The following SSH1 variants were observed in gnomAD, a reference collection of about 807,000 sequenced individuals.
SSH1 encodes slingshot protein phosphatase 1, also known as protein phosphatase Slingshot homolog 1.
In SSH1, 43 loss-of-function variants were observed where a neutral mutation model predicts 79.7. The observed-to-expected ratio is 0.54, with a 90% CI of 0.42 to 0.70. The LOEUF (loss-of-function observed/expected upper bound fraction) is 0.70, where lower values mean the gene tolerates loss of function less well. SSH1 is among the 30% of genes least tolerant of loss of function. The pLI is 0.00. For synonymous variants in SSH1, 599 were observed against 538.3 expected, an observed-to-expected ratio of 1.11 and a Z score of -1.56; for missense variants, 1,206 against 1,358.8, an observed-to-expected ratio of 0.89 and a Z score of 1.77.
intron 13 of SSH1, among the ~76,000 whole-genome samples, chr12:108,796,482 G>A (rs936237058): frequency 2.0e-5 from 3 of 152,116 alleles, no homozygotes; most frequent in African/African-American, 4.8e-5. Context: ...TTCACTTAGC[G>A]CAATGTCATG....
At chr12:108,802,247 C>G in intron 11 of SSH1, 75 bp downstream of exon 11, 1 of 1,409,424 alleles carries the variant, frequency 7.1e-7, no homozygotes, top group Non-Finnish European at 1.0e-6. Flanking sequence ...GCCCCAAGGT[C>G]TCCCCCTCCA....
intron 5 of SSH1, 96 bp downstream of exon 5, chr12:108,816,942 C>T: frequency 1.9e-6 from 3 of 1,573,206 alleles, no homozygotes; most frequent in South Asian, 1.1e-5. Context: ...ACGCAGCCCT[C>T]TCCCACCTCT....
chr12:108,825,853 C>T (rs1224185366), intron 2 of SSH1, among the ~76,000 whole-genome samples: 1 of 152,204 alleles, frequency 6.6e-6, no homozygotes, highest in African/African-American at 2.4e-5. Flanking sequence ...ATCACCTAAC[C>T]CTTTCCACCT....
At chr12:108,806,923 G>C (rs1319525079) in intron 8 of SSH1, among the ~76,000 whole-genome samples, 1 of 152,228 alleles carries the variant, frequency 6.6e-6, no homozygotes, top group Non-Finnish European at 1.5e-5. Flanking sequence ...CTTCCTCCGT[G>C]ATTTCAAGGC....
At chr12:108,818,102 G>A in intron 4 of SSH1, 147 bp downstream of exon 4, 1 of 670,824 alleles carries the variant, frequency 1.5e-6, no homozygotes, top group Non-Finnish European at 2.7e-6. Flanking sequence ...GGAGGCTGAG[G>A]TGGGAAGATT....
rs374562991 is a variant in SSH1, at chr12:108,802,305, A to G, written c.1001+17T>C. On this transcript the variant is annotated intron_variant, in intron 11 of 14. Transcript: ENST00000326495. ...GCTGCCTGGAAGGACAGGGAAAGAC[A>G]AGGGGAGGAGACTCACCCTGAGCCC... 102 of 1,612,700 alleles carry G rather than the reference A, an allele frequency of 6.3e-5. No individual in the cohort carries two copies. In the African/African-American group the frequency reaches 1.3e-3, roughly 20 times the overall value.
At chr12:108,818,208 A>C (rs75291911) in intron 4 of SSH1, 41 bp downstream of exon 4, 1 of 1,530,160 alleles carries the variant, frequency 6.5e-7, no homozygotes, top group Non-Finnish European at 9.0e-7. Flanking sequence ...CACAAAAATT[A>C]AAAAAAAATT....
At chr12:108,843,557 C>T (rs1159262204) in intron 2 of SSH1, among the ~76,000 whole-genome samples, 3 of 152,112 alleles carry the variant, frequency 2.0e-5, no homozygotes, top group Non-Finnish European at 4.4e-5. Context: ...TGGTTTGAGA[C>T]AGAGTCTCAC....
intron 13 of SSH1, among the ~76,000 whole-genome samples, chr12:108,794,263 C>T (rs562814965): frequency 1.3e-5 from 2 of 152,338 alleles, no homozygotes; most frequent in East Asian, 3.9e-4. Flanking sequence ...CGCCCAGGCT[C>T]TGGGCTTCCA....
rs565843824 is a variant in SSH1 at position 108,785,919 on chromosome 12, G to A, written c.*2069C>T. The A allele has an allele frequency of 7.9e-5, 12 of 152,298 alleles. No homozygotes were observed. The highest frequency in any genetic ancestry group is 2.4e-4 in the African/African-American group (10 of 41,550). 9.4% of individuals were successfully genotyped at this position (152,298 alleles called of 1,614,324 possible). ...GGGAAAGGGGGAACAACCCACAGGG[G>A]TTTAGGAATAAGTGGATAATCACCT... is the stretch of plus-strand genomic sequence containing the variant. On this transcript the variant is annotated 3_prime_UTR_variant, in exon 15 of 15. Coordinates refer to ENST00000326495, the MANE Select transcript of SSH1 (RefSeq NM_018984.4).
intron 11 of SSH1, 43 bp from the exon 12 acceptor site, chr12:108,800,969 A>G (rs1193744759): frequency 6.3e-7 from 1 of 1,584,216 alleles, no homozygotes; most frequent in Admixed American, 1.7e-5. Flanking sequence ...GACAATCTGA[A>G]TGAGAAAGAA....
In SSH1 at chr12:108,823,199, T is replaced by C; in HGVS notation, c.214+59A>G. Reference sequence around the variant, plus strand: ...TCAGCAACATCACCAACAATGGAAGTTTCCTCTGCTGTCCAGAAAAGAAGC... The same window carrying C: ...TCAGCAACATCACCAACAATGGAAGCTTCCTCTGCTGTCCAGAAAAGAAGC... On this transcript the variant is annotated intron_variant, in intron 3 of 14. Coordinates refer to ENST00000326495, the MANE Select transcript of SSH1 (RefSeq NM_018984.4). The C allele has an allele frequency of 2.0e-6, 3 of 1,488,750 alleles. No individual in the cohort carries two copies. The East Asian group carries it at 7.4e-5, about 37-fold the overall frequency. 92.2% of individuals were successfully genotyped at this position (1,488,750 alleles called of 1,614,324 possible).
At position 108,818,217 on chromosome 12, in the gene SSH1, T is replaced by A. The variant is rs188173803; in HGVS notation, c.279+32A>T. ...TCATCTCACAAAAATTAAAAAAAAA[T>A]TTTTTAACTTGACATTCTCACTGCT... On this transcript the variant is annotated intron_variant, in intron 4 of 14. Coordinates refer to ENST00000326495, the MANE Select transcript of SSH1 (RefSeq NM_018984.4). 889 of 1,603,986 alleles carry A rather than the reference T, an allele frequency of 5.5e-4. 2 individuals are homozygous for A. The African/African-American group carries it at 7.7e-3, about 14-fold the overall frequency.
At position 108,807,901 on chromosome 12, in the gene SSH1, G is replaced by A; in HGVS notation, c.537-74C>T. ...CAGGGTTTTCTCCTCTGACAAAGGG[G>A]TTCAAATACGGGAAGGGAAGGGCAA... On this transcript the variant is annotated intron_variant, in intron 7 of 14. Coordinates refer to ENST00000326495, the MANE Select transcript of SSH1 (RefSeq NM_018984.4). This position sits in a 1 kb window ranked among gnomAD's most constrained non-coding sequence, Gnocchi z 5.2. 2 of 1,358,738 alleles carry A rather than the reference G, an allele frequency of 1.5e-6. No homozygotes were observed. Among genetic ancestry groups the A allele is most frequent in the Admixed American group, 1.8e-5 (1 of 56,330 alleles). The allele number at this position is 1,358,738 out of a possible 1,614,324, so 84.2% of individuals were successfully genotyped here. A position where few individuals can be genotyped will look rare whatever the true frequency, so the allele number is the denominator to read the frequency against.
At chr12:108,793,252 A>T (rs1357590299) in intron 13 of SSH1, among the ~76,000 whole-genome samples, 2 of 152,194 alleles carry the variant, frequency 1.3e-5, no homozygotes, top group Admixed American at 1.3e-4. Context: ...GTATGTACAG[A>T]TCTATACACG....
Position 108,787,789 on chromosome 12 carries a change from C to A in SSH1, c.*199G>T. On this transcript the variant is annotated 3_prime_UTR_variant, in exon 15 of 15. Transcript: ENST00000326495. ...CGGCTCCTGGTTCTCCCAGGCCACACGACTGACAGCTCCCCTTCTTGTGCT... is the reference window on the plus strand; with the variant it reads ...CGGCTCCTGGTTCTCCCAGGCCACAAGACTGACAGCTCCCCTTCTTGTGCT... The A allele has an allele frequency of 1.4e-6, 1 of 693,946 alleles. No individual in the cohort carries two copies. Among genetic ancestry groups the A allele is most frequent in the Non-Finnish European group, 2.4e-6 (1 of 421,828 alleles). 43.0% of individuals were successfully genotyped at this position (693,946 alleles called of 1,614,324 possible).
At chr12:108,803,262 T>C (rs554039320) in intron 10 of SSH1, among the ~76,000 whole-genome samples, 2 of 152,158 alleles carry the variant, frequency 1.3e-5, no homozygotes, top group Non-Finnish European at 2.9e-5. Context: ...GATTTATTTC[T>C]ATTTTCAGAC....
chr12:108,818,815 A>G (rs979959881), intron 3 of SSH1, among the ~76,000 whole-genome samples: 15 of 152,128 alleles, frequency 9.9e-5, no homozygotes, highest in Non-Finnish European at 2.1e-4. Flanking sequence ...GTGCAGTGGT[A>G]CGATCTCAGC....
intron 5 of SSH1, 135 bp from the exon 6 acceptor site, chr12:108,811,463 C>T: frequency 1.3e-6 from 1 of 770,432 alleles, no homozygotes; most frequent in South Asian, 1.4e-5. Flanking sequence ...AGGAACCGTT[C>T]ACTGATGAAT....
Sources: gnomAD v4.1 joint callset for allele counts (sites outside exome capture counted in the v4.1 genomes callset) on GRCh38, gnomAD v4.1.1 for gene constraint, Gnocchi (gnomAD v3.1) non-coding constraint, MANE v1.5 for transcripts, NCBI Gene and HGNC (gene_info 2026-07-23, HGNC 2026-07-21) for gene names.